The following TMEM184B variants were observed in gnomAD, a reference collection of about 807,000 sequenced individuals.
The protein encoded by TMEM184B is putative MAPK-activating protein FM08.
Under a neutral mutation model 41.8 loss-of-function variants are expected in TMEM184B, and 17 were observed. The ratio of observed to expected loss-of-function variants is 0.41; its 90% CI spans 0.28 to 0.61. TMEM184B has a LOEUF of 0.61. Among genes scored for constraint, TMEM184B ranks in the 20% least tolerant of loss-of-function variants. The probability of loss-of-function intolerance (pLI) is 0.34; values close to 1 mark genes in which losing one functional copy is unlikely to be tolerated. For missense variants in TMEM184B, 393 were observed against 557.8 expected, an observed-to-expected ratio of 0.70 and a Z score of 2.98; for synonymous variants, 240 against 229.5, an observed-to-expected ratio of 1.05 and a Z score of -0.41.
chr22:38,236,809 C>T (rs1233129540), intron 3 of TMEM184B, among the ~76,000 whole-genome samples: 4 of 152,134 alleles, frequency 2.6e-5, no homozygotes, highest in Non-Finnish European at 5.9e-5. Flanking sequence ...CCATTTCTAA[C>T]GGGCAGAGTC....
intron 1 of TMEM184B, among the ~76,000 whole-genome samples, chr22:38,254,436 C>T (rs931125725): frequency 8.6e-5 from 13 of 152,028 alleles, no homozygotes; most frequent in African/African-American, 3.1e-4. Context: ...CCTGTCTCTA[C>T]TAAAAATACA....
chr22:38,269,107 C>T (rs977426602), intron 1 of TMEM184B, among the ~76,000 whole-genome samples: 2 of 152,230 alleles, frequency 1.3e-5, no homozygotes, highest in African/African-American at 4.8e-5. Context: ...TTGCCCAAGG[C>T]CACAGGGCTA....
chr22:38,247,963 G>C lies in TMEM184B; in HGVS notation c.-2C>G, dbSNP rs1345019310. 1 of 1,571,064 alleles carries C rather than the reference G, an allele frequency of 6.4e-7. No homozygotes were observed. The highest frequency in any genetic ancestry group is 8.6e-7 in the Non-Finnish European group (1 of 1,164,578). ...CAGCACATCCCCCCTCACTGTCATGGTGCCTGGCAGCAGGAGGCTCCCTGA... is the reference window on the plus strand; with the variant it reads ...CAGCACATCCCCCCTCACTGTCATGCTGCCTGGCAGCAGGAGGCTCCCTGA... On this transcript the variant is annotated 5_prime_UTR_variant, in exon 2 of 9. Coordinates refer to ENST00000361906, the MANE Select transcript of TMEM184B (RefSeq NM_012264.5).
At chr22:38,234,221 C>A (rs2091711808) in intron 3 of TMEM184B, among the ~76,000 whole-genome samples, 1 of 152,148 alleles carries the variant, frequency 6.6e-6, no homozygotes, top group South Asian at 2.1e-4. Context: ...TTGGAAGAGG[C>A]CTCTTTCCTC....
intron 1 of TMEM184B, among the ~76,000 whole-genome samples, chr22:38,256,169 GAAGAAACCCCGTCTCTA>G (rs958766653): frequency 6.6e-6 from 1 of 151,706 alleles, no homozygotes; most frequent in African/African-American, 2.4e-5. Context: ...TGACCAACAT[GAAGAAACCCCGTCTCTA>G]CTAAAAATAC....
chr22:38,265,337 A>G (rs1474313498), intron 1 of TMEM184B, among the ~76,000 whole-genome samples: 1 of 148,004 alleles, frequency 6.8e-6, no homozygotes, highest in Non-Finnish European at 1.5e-5. Context: ...GCCTCCTGGA[A>G]CCCCCATGGT....
rs78572287 is a variant in TMEM184B, at chr22:38,226,076, C to G, written c.618-483G>C. Among the ~76,000 whole-genome samples the G allele has an allele frequency of 7.4e-6, 1 of 134,268 alleles. No homozygotes were observed. The highest frequency in any genetic ancestry group is 2.8e-5 in the African/African-American group (1 of 36,312). The allele number at this position is 134,268 out of a possible 152,430, so 88.1% of individuals were successfully genotyped here. ...AAGCACAGGGCTAGACACATGGTCA[C>G]TTTTTTTTTTTTTTTTTTTAGATAT... On this transcript the variant is annotated intron_variant, in intron 6 of 8. Transcript: ENST00000361906. This position sits in a 1 kb window ranked among gnomAD's most constrained non-coding sequence, Gnocchi z 4.6.
rs558393824 is a variant in TMEM184B, at chr22:38,253,508, T to C, written c.-58-5489A>G. On this transcript the variant is annotated intron_variant, in intron 1 of 8. Transcript: ENST00000361906. ...ATCACTTGAACCTGGGAGGTGGTGG[T>C]TGCAGTGAGCTAAGATCACACCACT... Among the ~76,000 whole-genome samples the C allele has an allele frequency of 5.9e-5, 9 of 152,040 alleles. No homozygotes were observed. The East Asian group carries it at 1.7e-3, about 29-fold the overall frequency.
In TMEM184B at chr22:38,226,712, C is replaced by T; in HGVS notation, c.617+67G>A. The T allele has an allele frequency of 6.7e-7, 1 of 1,496,384 alleles. No individual in the cohort carries two copies. Among genetic ancestry groups the T allele is most frequent in the Admixed American group, 2.0e-5 (1 of 50,516 alleles). 92.7% of individuals were successfully genotyped at this position (1,496,384 alleles called of 1,614,324 possible). A position where few individuals can be genotyped will look rare whatever the true frequency, so the allele number is the denominator to read the frequency against. ...TGCGGCCACTCTGGCTGCCCCCTTC[C>T]CTGAGCCAAGGCACCAGCCTGCGCC... On this transcript the variant is annotated intron_variant, in intron 6 of 8. Coordinates refer to ENST00000361906, the MANE Select transcript of TMEM184B (RefSeq NM_012264.5). This position sits in a 1 kb window ranked among gnomAD's most constrained non-coding sequence, Gnocchi z 4.6.
intron 1 of TMEM184B, among the ~76,000 whole-genome samples, chr22:38,254,457 G>C (rs562136126): frequency 6.6e-6 from 1 of 151,670 alleles, no homozygotes; most frequent in Admixed American, 6.6e-5. Flanking sequence ...AAAATTAGCC[G>C]GGTATGGTGG....
At chr22:38,269,088 G>A (rs1301286285) in intron 1 of TMEM184B, among the ~76,000 whole-genome samples, 1 of 152,216 alleles carries the variant, frequency 6.6e-6, no homozygotes, top group Non-Finnish European at 1.5e-5. Context: ...TTAGAACCTG[G>A]TAAGCATCTT....
chr22:38,269,662 A>G (rs906307256), intron 1 of TMEM184B, among the ~76,000 whole-genome samples: 17 of 152,286 alleles, frequency 1.1e-4, no homozygotes, highest in African/African-American at 4.1e-4. Context: ...GCACCACTGC[A>G]TGCCAAGCTG....
chr22:38,258,646 A>C (rs149958176), intron 1 of TMEM184B, among the ~76,000 whole-genome samples: 384 of 152,084 alleles, frequency 2.5e-3, no homozygotes, highest in Non-Finnish European at 4.5e-3. Context: ...ACACAGTGAC[A>C]CTCCTGGAAG....
intron 1 of TMEM184B, among the ~76,000 whole-genome samples, chr22:38,264,335 C>T (rs1019037916): frequency 3.9e-5 from 6 of 151,996 alleles, no homozygotes; most frequent in Non-Finnish European, 5.9e-5. Context: ...GAACGGTGAC[C>T]TGAGCCACTA....
chr22:38,221,513 C>T lies in TMEM184B; in HGVS notation c.1180G>A (p.Asp394Asn), dbSNP rs1222380901. Residue 394 changes from aspartate to asparagine, a missense_variant, in exon 9 of 9, where the codon GAC becomes AAC. This residue lies in a region of TMEM184B where 271 missense variants were observed against 434.1 expected (regional missense o/e 0.62). Coordinates refer to ENST00000361906, the MANE Select transcript of TMEM184B (RefSeq NM_012264.5). ...CTGAGCAGGAGAGTCTTCTCGTTGT[C>T]GCGGGCGCCACTGAGGCTGTGGGAG... ...SRSHSLSGAR[D>N]NEKTLLLSSD... 10 of 1,613,082 alleles carry T rather than the reference C, an allele frequency of 6.2e-6. No homozygotes were observed. The Admixed American group carries it at 8.3e-5, about 13-fold the overall frequency.
In TMEM184B at chr22:38,272,846, C is replaced by A. The variant is rs2092546376; in HGVS notation, c.-59+38G>T. The A allele has an allele frequency of 9.3e-6, 9 of 972,238 alleles. No individual in the cohort carries two copies. The South Asian group carries it at 4.3e-4, about 46-fold the overall frequency. 60.2% of individuals were successfully genotyped at this position (972,238 alleles called of 1,614,324 possible). A position where few individuals can be genotyped will look rare whatever the true frequency, so the allele number is the denominator to read the frequency against. ...CCCGCGCTCGGGAGTCGCAGCTCCC[C>A]CTTGGGGCTCCCGGGCGAGGCCGGC... On this transcript the variant is annotated intron_variant, in intron 1 of 8. Transcript: ENST00000361906.
chr22:38,243,744 G>A (rs73427638), intron 3 of TMEM184B, among the ~76,000 whole-genome samples: 3,627 of 152,302 alleles, frequency 0.024, 127 homozygotes, highest in African/African-American at 0.081. Flanking sequence ...CCCACATGGA[G>A]GAATGCAAGG....
chr22:38,253,831 C>T (rs529270663), intron 1 of TMEM184B, among the ~76,000 whole-genome samples: 2 of 152,186 alleles, frequency 1.3e-5, no homozygotes, highest in East Asian at 1.9e-4. Context: ...ATAAACAAGC[C>T]ACAGAGTGGA....
At chr22:38,240,497 G>A (rs1038984392) in intron 3 of TMEM184B, among the ~76,000 whole-genome samples, 23 of 152,178 alleles carry the variant, frequency 1.5e-4, no homozygotes, top group Admixed American at 1.2e-3. Flanking sequence ...ATCCAGAAGC[G>A]CGAGGTCCTA....
Sources: allele counts gnomAD v4.1 joint callset (sites outside exome capture counted in the v4.1 genomes callset), GRCh38; gene constraint gnomAD v4.1.1; regional missense constraint gnomAD v4.1.1; non-coding constraint Gnocchi (gnomAD v3.1); transcripts MANE v1.5; gene names NCBI Gene and HGNC (gene_info 2026-07-23, HGNC 2026-07-21).